CARMIL1: variants seen among roughly 807,000 people sequenced by gnomAD.
CARMIL1 encodes capping protein regulator and myosin 1 linker 1.
Under a neutral mutation model 177.1 loss-of-function variants are expected in CARMIL1, and 90 were observed. The observed-to-expected ratio is 0.51, with a 90% CI of 0.43 to 0.61. The LOEUF (loss-of-function observed/expected upper bound fraction) is 0.61. CARMIL1 is among the 20% of genes least tolerant of loss of function. CARMIL1 has a pLI of 0.00. For missense variants in CARMIL1, 1,380 were observed against 1,667.0 expected, an observed-to-expected ratio of 0.83 and a Z score of 3.00; for synonymous variants, 577 against 606.2, an observed-to-expected ratio of 0.95 and a Z score of 0.71.
At chr6:25,356,182 C>T (rs377039238) in intron 2 of CARMIL1, among the ~76,000 whole-genome samples, 8,542 of 152,076 alleles carry the variant, frequency 0.056, 287 homozygotes, top group Non-Finnish European at 0.088. Context: ...CTCAGCCTCC[C>T]GAGTAGCTGG....
chr6:25,453,957 C>T (rs1476607168), intron 8 of CARMIL1, among the ~76,000 whole-genome samples: 2 of 152,058 alleles, frequency 1.3e-5, no homozygotes, highest in African/African-American at 4.8e-5. Context: ...TCAGCTAATC[C>T]ACCATGTTTA....
intron 8 of CARMIL1, chr6:25,451,941 C>T (rs1332339090): frequency 1.6e-6 from 1 of 607,434 alleles, no homozygotes; most frequent in Non-Finnish European, 3.0e-6. Flanking sequence ...TGAAGTGTCA[C>T]AGAGGATTGT....
intron 8 of CARMIL1, among the ~76,000 whole-genome samples, chr6:25,453,630 G>T (rs1206676854): frequency 6.6e-6 from 1 of 152,236 alleles, no homozygotes; most frequent in African/African-American, 2.4e-5. Context: ...CTAGGAGCTT[G>T]TGCCAGTGAA....
intron 36 of CARMIL1, among the ~76,000 whole-genome samples, chr6:25,613,552 A>C (rs1816663786): frequency 6.6e-6 from 1 of 152,246 alleles, no homozygotes; most frequent in African/African-American, 2.4e-5. Context: ...CCCAAGAGAC[A>C]AAAAGAAGAC....
chr6:25,432,730 C>T (rs1428480863), intron 4 of CARMIL1, among the ~76,000 whole-genome samples: 7 of 152,076 alleles, frequency 4.6e-5, no homozygotes. Flanking sequence ...GATGGATAAG[C>T]CATCCACCAC....
rs1322668226 is a variant in CARMIL1 at position 25,326,408 on chromosome 6, C to T, written c.138+41499C>T. On this transcript the variant is annotated intron_variant, in intron 2 of 36. Transcript: ENST00000329474. This position sits in a 1 kb window ranked among gnomAD's most constrained non-coding sequence, Gnocchi z 4.2. Reference sequence around the variant, plus strand: ...AGTAAGGAGCTTGGATTTGATTTTACTGGGGAAATAACATAATCTGATATG... The same window carrying T: ...AGTAAGGAGCTTGGATTTGATTTTATTGGGGAAATAACATAATCTGATATG... Among the ~76,000 whole-genome samples, 1 of 152,116 alleles carries T rather than the reference C, an allele frequency of 6.6e-6. No individual in the cohort carries two copies. Among genetic ancestry groups the T allele is most frequent in the Non-Finnish European group, 1.5e-5 (1 of 68,020 alleles).
At chr6:25,409,469 C>T (rs1176685121) in intron 2 of CARMIL1, among the ~76,000 whole-genome samples, 1 of 152,076 alleles carries the variant, frequency 6.6e-6, no homozygotes, top group Non-Finnish European at 1.5e-5. Context: ...AAAGCTGAGG[C>T]CTGGAGATTT....
chr6:25,451,359 A>G (rs1460751858), intron 8 of CARMIL1, among the ~76,000 whole-genome samples: 1 of 152,194 alleles, frequency 6.6e-6, no homozygotes, highest in East Asian at 1.9e-4. Flanking sequence ...CATTTTTTCA[A>G]GGATGAACTT....
intron 2 of CARMIL1, among the ~76,000 whole-genome samples, chr6:25,337,859 G>C (rs781162175): frequency 8.5e-5 from 13 of 152,208 alleles, no homozygotes; most frequent in African/African-American, 2.9e-4. Context: ...CTCAGTTAAA[G>C]ATATGAAAAA....
rs369582829 is a variant in CARMIL1, at chr6:25,509,766, C to A, written c.1477+29C>A. The A allele has an allele frequency of 1.0e-4, 151 of 1,449,654 alleles. 2 individuals are homozygous for A. Among genetic ancestry groups the A allele is most frequent in the Non-Finnish European group, 4.7e-5 (50 of 1,053,578 alleles). 89.8% of individuals were successfully genotyped at this position (1,449,654 alleles called of 1,614,324 possible). A position where few individuals can be genotyped will look rare whatever the true frequency, so the allele number is the denominator to read the frequency against. On this transcript the variant is annotated intron_variant, in intron 18 of 36. Coordinates refer to ENST00000329474, the MANE Select transcript of CARMIL1 (RefSeq NM_017640.6). This position sits in a 1 kb window ranked among gnomAD's most constrained non-coding sequence, Gnocchi z 4.1. The stretch of plus-strand genomic sequence containing the variant: ...AGTCAGATATTGAAAAGAAATGAAA[C>A]TGAAATATTTTTTGAAGCAAGTTAA...
At chr6:25,396,926 C>T (rs574409259) in intron 2 of CARMIL1, among the ~76,000 whole-genome samples, 9 of 152,130 alleles carry the variant, frequency 5.9e-5, no homozygotes, top group Admixed American at 1.3e-4. Context: ...TTCTGATTGC[C>T]GGTCCAGTGT....
At chr6:25,313,861 A>G (rs1784047538) in intron 2 of CARMIL1, among the ~76,000 whole-genome samples, 1 of 151,566 alleles carries the variant, frequency 6.6e-6, no homozygotes, top group African/African-American at 2.4e-5. Flanking sequence ...GGGCATGAGA[A>G]ACCACAGGAT....
chr6:25,451,986 G>GACCCC, intron 8 of CARMIL1: 3 of 112,672 alleles, frequency 2.7e-5, no homozygotes, highest in South Asian at 7.1e-5. Context: ...CTAGCATCTT[G>GACCCC]CCCCCCCCTC....
At chr6:25,359,315 AT>A (rs1788953766) in intron 2 of CARMIL1, among the ~76,000 whole-genome samples, 1 of 152,212 alleles carries the variant, frequency 6.6e-6, no homozygotes, top group African/African-American at 2.4e-5. Flanking sequence ...TCAGAACCTC[AT>A]GACAGGGCAG....
intron 13 of CARMIL1, among the ~76,000 whole-genome samples, chr6:25,489,842 A>G (rs1040964589): frequency 7.9e-5 from 12 of 152,164 alleles, no homozygotes; most frequent in African/African-American, 2.9e-4. Context: ...CTTCACTGAC[A>G]GTTCATAAAT....
intron 2 of CARMIL1, among the ~76,000 whole-genome samples, chr6:25,349,499 G>A (rs1416178801): frequency 6.6e-6 from 1 of 152,162 alleles, no homozygotes; most frequent in Non-Finnish European, 1.5e-5. Flanking sequence ...TGGCCCTGTG[G>A]GGCTCATATA....
chr6:25,290,687 T>C, intron 2 of CARMIL1, among the ~76,000 whole-genome samples: 1 of 152,152 alleles, frequency 6.6e-6, no homozygotes. Context: ...GTAGGGGAAG[T>C]GGCATACAAA....
chr6:25,538,921 T>A (rs1032673102), intron 25 of CARMIL1, among the ~76,000 whole-genome samples: 10 of 151,986 alleles, frequency 6.6e-5, no homozygotes, highest in Admixed American at 2.6e-4. Flanking sequence ...ATGTAATGGG[T>A]CCTCCATAAA....
chr6:25,486,904 G>A lies in CARMIL1; in HGVS notation c.962-1578G>A, dbSNP rs758903565. 6.6e-5 allele frequency among the ~76,000 whole-genome samples: 10 copies of A among 152,122 alleles called. 1 individual carries two copies. The South Asian group carries it at 1.2e-3, about 19-fold the overall frequency. Reference sequence around the variant, plus strand: ...TGTGGCACTGACTTTTCATTGTAGAGTCTAATTAAGTTTTTCCCTAATGGT... The same window carrying A: ...TGTGGCACTGACTTTTCATTGTAGAATCTAATTAAGTTTTTCCCTAATGGT... On this transcript the variant is annotated intron_variant, in intron 12 of 36. Transcript: ENST00000329474.
Sources: allele counts gnomAD v4.1 joint callset (sites outside exome capture counted in the v4.1 genomes callset), GRCh38; gene constraint gnomAD v4.1.1; non-coding constraint Gnocchi (gnomAD v3.1); transcripts MANE v1.5; gene names NCBI Gene and HGNC (gene_info 2026-07-23, HGNC 2026-07-21).